PXDNL: variants seen among roughly 807,000 people sequenced by gnomAD.
PXDNL encodes the protein probable oxidoreductase PXDNL.
In PXDNL, 145 loss-of-function variants were observed where a neutral mutation model predicts 150.8. The ratio of observed to expected loss-of-function variants is 0.96; its 90% CI spans 0.84 to 1.10. PXDNL has a LOEUF of 1.10. Ranked by LOEUF, PXDNL falls within the 50% of genes least tolerant of loss-of-function variation. The pLI is 0.00. For missense variants in PXDNL, 2,087 were observed against 1,873.9 expected (o/e 1.11, Z -2.10); for synonymous variants, 757 against 725.7 (o/e 1.04, Z -0.69).
intron 1 of PXDNL, among the ~76,000 whole-genome samples, chr8:51,694,596 G>C (rs1171283840): frequency 1.3e-5 from 2 of 152,164 alleles, no homozygotes; most frequent in Non-Finnish European, 2.9e-5. Context: ...CTAGTATCTA[G>C]GCATTGTCAA....
intron 14 of PXDNL, among the ~76,000 whole-genome samples, chr8:51,415,973 C>T (rs1247507645): frequency 1.3e-5 from 2 of 152,132 alleles, no homozygotes; most frequent in African/African-American, 4.8e-5. Context: ...TAGGAATGAG[C>T]CTACTTAATT....
chr8:51,523,046 C>T (rs956837192), intron 4 of PXDNL, among the ~76,000 whole-genome samples: 8 of 152,014 alleles, frequency 5.3e-5, no homozygotes, highest in Non-Finnish European at 1.0e-4. Flanking sequence ...AGAAAGATAA[C>T]TATTTTAATG....
chr8:51,583,114 A>T (rs1813245125), intron 3 of PXDNL, among the ~76,000 whole-genome samples: 1 of 152,200 alleles, frequency 6.6e-6, no homozygotes, highest in South Asian at 2.1e-4. Context: ...AGTACTAAGA[A>T]CAAGGTGCCA....
chr8:51,551,297 C>T (rs1812476411), intron 4 of PXDNL, among the ~76,000 whole-genome samples: 1 of 151,984 alleles, frequency 6.6e-6, no homozygotes, highest in African/African-American at 2.4e-5. Flanking sequence ...CAAAATATCA[C>T]TATAATCCTT....
At chr8:51,611,217 G>A (rs187079140) in intron 2 of PXDNL, among the ~76,000 whole-genome samples, 5 of 151,994 alleles carry the variant, frequency 3.3e-5, no homozygotes, top group African/African-American at 4.8e-5. Context: ...TAATAAAAAC[G>A]TTAAACATGA....
At chr8:51,326,740 G>T (rs1318471515) in intron 21 of PXDNL, among the ~76,000 whole-genome samples, 2 of 152,064 alleles carry the variant, frequency 1.3e-5, no homozygotes, top group Non-Finnish European at 2.9e-5. Context: ...TTGCATCATT[G>T]TTCTGCATTC....
At chr8:51,809,116 G>C (rs891450766) in intron 1 of PXDNL, 65 bp downstream of exon 1, 170 of 1,537,398 alleles carry the variant, frequency 1.1e-4, no homozygotes, top group Non-Finnish European at 1.5e-4. Flanking sequence ...AAAGGACACA[G>C]GTCCTAGCAG....
At chr8:51,339,385 A>T (rs1444187639) in intron 21 of PXDNL, among the ~76,000 whole-genome samples, 1 of 152,166 alleles carries the variant, frequency 6.6e-6, no homozygotes, top group Non-Finnish European at 1.5e-5. Context: ...ACTTGAACCC[A>T]AGAGGTGGAG....
chr8:51,457,811 T>G, intron 8 of PXDNL, 144 bp from the exon 9 acceptor site: 1 of 560,974 alleles, frequency 1.8e-6, no homozygotes, highest in Non-Finnish European at 2.9e-6. Context: ...ATTTTAATTA[T>G]TTCACTTTAA....
rs749652902 is a variant in PXDNL at position 51,447,108 on chromosome 8, C to T, written c.1421G>A (p.Arg474Lys). 3 of 1,613,980 alleles carry T rather than the reference C, an allele frequency of 1.9e-6. No individual in the cohort carries two copies. Among genetic ancestry groups the T allele is most frequent in the South Asian group, 2.2e-5 (2 of 91,084 alleles). The change falls in exon 12 of 23, where the codon AGA becomes AAA. Residue 474 changes from arginine to lysine, a missense_variant. Physicochemically the swap from Arg to Lys is conservative, Grantham distance 26. Coordinates refer to ENST00000356297, the MANE Select transcript of PXDNL (RefSeq NM_144651.5). ...QHTVLSSGTL[R>K]IDRAAQHDQG... ...ATCGTGCTGTGCTGCACGGTCAATT[C>T]TCAAAGTGCCAGAGGAGAGAACTGT...
intron 2 of PXDNL, among the ~76,000 whole-genome samples, chr8:51,648,665 A>G (rs1181296430): frequency 6.6e-6 from 1 of 152,184 alleles, no homozygotes; most frequent in African/African-American, 2.4e-5. Context: ...ACTTCTTTGC[A>G]TTCCTTACAC....
intron 1 of PXDNL, among the ~76,000 whole-genome samples, chr8:51,793,022 T>C (rs538079147): frequency 1.1e-4 from 17 of 152,320 alleles, no homozygotes; most frequent in African/African-American, 4.1e-4. Flanking sequence ...CCATGCCTCC[T>C]GATTGGGTGA....
chr8:51,642,290 G>A (rs562234236), intron 2 of PXDNL, among the ~76,000 whole-genome samples: 7 of 151,850 alleles, frequency 4.6e-5, no homozygotes, highest in African/African-American at 1.4e-4. Flanking sequence ...ACACCAGCAT[G>A]GGCACATGTA....
At chr8:51,496,088 A>C in intron 5 of PXDNL, among the ~76,000 whole-genome samples, 1 of 152,240 alleles carries the variant, frequency 6.6e-6, no homozygotes, top group Non-Finnish European at 1.5e-5. Flanking sequence ...CACCATGATC[A>C]AGTGGGCTTC....
intron 12 of PXDNL, among the ~76,000 whole-genome samples, chr8:51,445,165 T>C (rs1809646950): frequency 6.6e-6 from 1 of 152,124 alleles, no homozygotes; most frequent in Non-Finnish European, 1.5e-5. Context: ...GGTGATCCAC[T>C]AGCCTCAGCC....
At chr8:51,799,255 G>C (rs1328261561) in intron 1 of PXDNL, among the ~76,000 whole-genome samples, 1 of 152,100 alleles carries the variant, frequency 6.6e-6, no homozygotes, top group Non-Finnish European at 1.5e-5. Context: ...CAGGGAGGGA[G>C]AGCATCAGGA....
intron 21 of PXDNL, among the ~76,000 whole-genome samples, chr8:51,322,450 T>G (rs1215773336): frequency 6.6e-6 from 1 of 151,786 alleles, no homozygotes; most frequent in Non-Finnish European, 1.5e-5. Context: ...GGAACTGAGG[T>G]GGGATGAGTG....
intron 3 of PXDNL, among the ~76,000 whole-genome samples, chr8:51,577,916 A>AG (rs1379514107): frequency 3.7e-5 from 4 of 107,908 alleles, no homozygotes; most frequent in African/African-American, 1.2e-4. Context: ...AGAGAAAGAA[A>AG]AGAAAGAAAA....
chr8:51,499,794 G>A (rs1290559312), intron 4 of PXDNL, 24 bp from the exon 5 acceptor site: 2 of 1,477,444 alleles, frequency 1.4e-6, no homozygotes, highest in Non-Finnish European at 1.9e-6. Context: ...AATCAAGTTG[G>A]TTACTCCTTG....
Sources: allele counts gnomAD v4.1 joint callset (sites outside exome capture counted in the v4.1 genomes callset), GRCh38; gene constraint gnomAD v4.1.1; transcripts MANE v1.5; gene names NCBI Gene and HGNC (gene_info 2026-07-23, HGNC 2026-07-21).